SEZ6L: variants seen among roughly 807,000 people sequenced by gnomAD.
SEZ6L encodes seizure 6-like protein.
SEZ6L carries 37 observed loss-of-function variants against 106.2 expected under a neutral mutation model. That is an observed-to-expected ratio of 0.35 (90% confidence interval 0.27 to 0.46). The LOEUF is 0.46. Among genes scored for constraint, SEZ6L ranks in the 20% least tolerant of loss-of-function variants. SEZ6L has a pLI of 1.00. For synonymous variants in SEZ6L, 541 were observed against 570.4 expected, an observed-to-expected ratio of 0.95 and a Z score of 0.73; for missense variants, 1,172 against 1,332.8, an observed-to-expected ratio of 0.88 and a Z score of 1.88.
At chr22:26,260,909 T>G (rs1323041756) in intron 1 of SEZ6L, among the ~76,000 whole-genome samples, 1 of 152,216 alleles carries the variant, frequency 6.6e-6, no homozygotes, top group East Asian at 1.9e-4. Flanking sequence ...TTTTGATTTT[T>G]TTTGTTATGG....
chr22:26,345,305 C>G (rs1486682746), intron 10 of SEZ6L, among the ~76,000 whole-genome samples: 4 of 152,210 alleles, frequency 2.6e-5, no homozygotes, highest in African/African-American at 9.6e-5. Context: ...AGATTTAAGC[C>G]AAGCTTCTAC....
At chr22:26,188,940 C>G (rs1316170362) in intron 1 of SEZ6L, among the ~76,000 whole-genome samples, 1 of 152,210 alleles carries the variant, frequency 6.6e-6, no homozygotes, top group Admixed American at 6.5e-5. Context: ...TTCTACTGCT[C>G]TAGCATTAAT....
chr22:26,336,178 C>CAGAAAAA (rs1569468154), intron 9 of SEZ6L, among the ~76,000 whole-genome samples: 1 of 152,030 alleles, frequency 6.6e-6, no homozygotes, highest in Admixed American at 6.5e-5. Context: ...TCCAGCATTT[C>CAGAAAAA]TCTGATGCCA....
intron 9 of SEZ6L, among the ~76,000 whole-genome samples, chr22:26,322,233 T>G (rs2082174245): frequency 6.6e-6 from 1 of 152,150 alleles, no homozygotes; most frequent in Non-Finnish European, 1.5e-5. Context: ...TCATTACCAC[T>G]TTATGGGTTG....
intron 9 of SEZ6L, among the ~76,000 whole-genome samples, chr22:26,316,103 C>A (rs1188810756): frequency 6.6e-6 from 1 of 152,142 alleles, no homozygotes; most frequent in African/African-American, 2.4e-5. Context: ...TCCTCTTCCC[C>A]CCATTCCTTT....
intron 1 of SEZ6L, among the ~76,000 whole-genome samples, chr22:26,247,047 G>A (rs768138684): frequency 2.6e-5 from 4 of 152,164 alleles, no homozygotes; most frequent in Non-Finnish European, 5.9e-5. Flanking sequence ...TGTCTGAATT[G>A]AGAGGTAGAG....
rs147096529 is a variant in SEZ6L at position 26,228,800 on chromosome 22, G to T, written c.94+59037G>T. On this transcript the variant is annotated intron_variant, in intron 1 of 16. Transcript: ENST00000248933. ...AAAAGAAACTTCCACGAGGTCCCAC[G>T]GCTATTCATTGGCTGCACCAGAAGA... 3.3e-3 allele frequency among the ~76,000 whole-genome samples: 495 copies of T among 152,216 alleles called. 2 individuals carry two copies. The highest frequency in any genetic ancestry group is 0.012 in the African/African-American group (480 of 41,542).
chr22:26,316,347 C>T (rs1034512557), intron 9 of SEZ6L, among the ~76,000 whole-genome samples: 1 of 152,176 alleles, frequency 6.6e-6, no homozygotes, highest in Non-Finnish European at 1.5e-5. Context: ...ACTGAAGATA[C>T]AGTTGTGAGA....
Position 26,271,779 on chromosome 22 carries a change from A to T in SEZ6L, c.95-20627A>T, listed in dbSNP as rs1427068514. On this transcript the variant is annotated intron_variant, in intron 1 of 16. Transcript: ENST00000248933. ...GTACAGCCTGTGGAACCGTGAGCCA[A>T]TTAAACCTCTTTTTTTCTAAACTAC... Among the ~76,000 whole-genome samples the T allele has an allele frequency of 2.6e-5, 4 of 152,236 alleles. 1 individual carries two copies.
chr22:26,323,147 G>A (rs1419668886), intron 9 of SEZ6L, among the ~76,000 whole-genome samples: 2 of 152,194 alleles, frequency 1.3e-5, no homozygotes, highest in South Asian at 4.1e-4. Context: ...AAGATGCCTT[G>A]CAGCCAAGGA....
At chr22:26,202,611 T>C (rs1383508476) in intron 1 of SEZ6L, among the ~76,000 whole-genome samples, 1 of 152,228 alleles carries the variant, frequency 6.6e-6, no homozygotes, top group Non-Finnish European at 1.5e-5. Context: ...TCTGATATTC[T>C]TTTTTCAGTA....
intron 1 of SEZ6L, among the ~76,000 whole-genome samples, chr22:26,286,374 A>G (rs2080933360): frequency 6.6e-6 from 1 of 152,224 alleles, no homozygotes; most frequent in South Asian, 2.1e-4. Flanking sequence ...TATTTCATTT[A>G]AGAAAGTCTT....
At chr22:26,330,202 T>G (rs2082436396) in intron 9 of SEZ6L, among the ~76,000 whole-genome samples, 1 of 152,228 alleles carries the variant, frequency 6.6e-6, no homozygotes, top group Non-Finnish European at 1.5e-5. Flanking sequence ...AGGTTGCTGG[T>G]CTGTTGCTCA....
intron 1 of SEZ6L, among the ~76,000 whole-genome samples, chr22:26,219,817 A>G (rs1040408047): frequency 6.6e-6 from 1 of 152,278 alleles, no homozygotes; most frequent in Middle Eastern, 3.4e-3. Flanking sequence ...GGGGAGGGAG[A>G]GTATCAGGAT....
At chr22:26,348,559 A>AAGGAAGGG (rs1451726580) in intron 11 of SEZ6L, among the ~76,000 whole-genome samples, 4 of 70,096 alleles carry the variant, frequency 5.7e-5, no homozygotes, top group African/African-American at 1.3e-4. Context: ...GGAAGGAAGG[A>AAGGAAGGG]AGGGAGGAAA....
intron 9 of SEZ6L, among the ~76,000 whole-genome samples, chr22:26,320,035 G>A (rs1390766024): frequency 6.6e-6 from 1 of 152,222 alleles, no homozygotes; most frequent in Non-Finnish European, 1.5e-5. Flanking sequence ...ACATGACAGG[G>A]AACCTGGTTG....
chr22:26,169,912 A>G (rs1272473432), intron 1 of SEZ6L, 149 bp downstream of exon 1: 2 of 397,648 alleles, frequency 5.0e-6, no homozygotes, highest in Non-Finnish European at 8.8e-6. Flanking sequence ...TAGGAACCGC[A>G]CGTCCCCTTG....
chr22:26,235,328 T>G (rs1207375415), intron 1 of SEZ6L, among the ~76,000 whole-genome samples: 1 of 152,230 alleles, frequency 6.6e-6, no homozygotes, highest in Non-Finnish European at 1.5e-5. Flanking sequence ...TGAGAACCAC[T>G]GTCATAGAGT....
At chr22:26,373,995 T>G (rs916325748) in intron 14 of SEZ6L, among the ~76,000 whole-genome samples, 2 of 152,158 alleles carry the variant, frequency 1.3e-5, no homozygotes, top group African/African-American at 2.4e-5. Flanking sequence ...CAAATGAGAC[T>G]TATTAATGAG....
Sources: allele counts gnomAD v4.1 joint callset (sites outside exome capture counted in the v4.1 genomes callset), GRCh38; gene constraint gnomAD v4.1.1; transcripts MANE v1.5; gene names NCBI Gene and HGNC (gene_info 2026-07-23, HGNC 2026-07-21).